FABP5: variants seen among roughly 807,000 people sequenced by gnomAD.
FABP5 encodes the protein fatty acid-binding protein 5.
Under a neutral mutation model 16.9 loss-of-function variants are expected in FABP5, and 7 were observed. The ratio of observed to expected loss-of-function variants is 0.41; its 90% CI spans 0.24 to 0.78. The LOEUF (loss-of-function observed/expected upper bound fraction) is 0.78. Among genes scored for constraint, FABP5 ranks in the 30% least tolerant of loss-of-function variants. The probability of loss-of-function intolerance (pLI) is 0.30; values close to 1 mark genes in which losing one functional copy is unlikely to be tolerated. For synonymous variants in FABP5, 37 were observed against 52.8 expected, an observed-to-expected ratio of 0.70 and a Z score of 1.30; for missense variants, 119 against 159.5, an observed-to-expected ratio of 0.75 and a Z score of 1.37.
In FABP5 at chr8:81,281,268, G is replaced by T; in HGVS notation, c.79+594G>T. 2 of 868,748 alleles carry T rather than the reference G, an allele frequency of 2.3e-6. No individual in the cohort carries two copies. The highest frequency in any genetic ancestry group is 2.8e-6 in the Non-Finnish European group (2 of 723,134). 53.8% of individuals were successfully genotyped at this position (868,748 alleles called of 1,614,324 possible). On this transcript the variant is annotated intron_variant, in intron 1 of 3. Coordinates refer to ENST00000297258, the MANE Select transcript of FABP5 (RefSeq NM_001444.3). This position sits in a 1 kb window ranked among gnomAD's most constrained non-coding sequence, Gnocchi z 4.5. Reference sequence around the variant, plus strand: ...AATCCTGTGGAGGGGTCTGAGTGGCGCTACAGCTTCAGCTTGCATTCCTCT... The same window carrying T: ...AATCCTGTGGAGGGGTCTGAGTGGCTCTACAGCTTCAGCTTGCATTCCTCT...
Sources: allele counts gnomAD v4.1 joint callset, GRCh38; gene constraint gnomAD v4.1.1; non-coding constraint Gnocchi (gnomAD v3.1); transcripts MANE v1.5; gene names NCBI Gene and HGNC (gene_info 2026-07-23, HGNC 2026-07-21).